The following CFAP46 variants were observed in gnomAD, a reference collection of about 807,000 sequenced individuals.
CFAP46 encodes the protein cilia and flagella associated protein 46, also known as cilia- and flagella-associated protein 46.
A neutral mutation model predicts 325.7 loss-of-function variants in CFAP46; 245 were observed. The ratio of observed to expected loss-of-function variants is 0.75; its 90% CI spans 0.68 to 0.84. The LOEUF (loss-of-function observed/expected upper bound fraction) is 0.84. CFAP46 is among the 40% of genes least tolerant of loss of function. CFAP46 has a pLI of 0.00. For synonymous variants in CFAP46, 1,523 were observed against 1,495.9 expected (o/e 1.02, Z -0.42); for missense variants, 3,346 against 3,543.0 (o/e 0.94, Z 1.41).
chr10:132,813,236 A>G (rs1847617618), intron 54 of CFAP46, among the ~76,000 whole-genome samples: 1 of 152,042 alleles, frequency 6.6e-6, no homozygotes, highest in African/African-American at 2.4e-5. Flanking sequence ...TACTCCAGGC[A>G]TGGGAGACAG....
Position 132,925,134 on chromosome 10 carries a change from G to A in CFAP46, c.1066-248C>T, listed in dbSNP as rs534931291. 1.1e-4 allele frequency among the ~76,000 whole-genome samples: 16 copies of A among 150,880 alleles called. No homozygotes were observed. In the East Asian group the frequency reaches 1.8e-3, roughly 17 times the overall value. On this transcript the variant is annotated intron_variant, in intron 10 of 57. Transcript: ENST00000368586. ...CATCGTGGCTGCGCCCGCCTCCCCCGTGTGGACTCAGCGGGCGCTGCTCCC... is the reference window on the plus strand; with the variant it reads ...CATCGTGGCTGCGCCCGCCTCCCCCATGTGGACTCAGCGGGCGCTGCTCCC...
intron 19 of CFAP46, among the ~76,000 whole-genome samples, chr10:132,912,135 C>T (rs113884851): frequency 0.32 from 36,443 of 114,466 alleles, 6,248 homozygotes; most frequent in Admixed American, 0.45. Flanking sequence ...CCCCCCCACC[C>T]CCACATCTCT....
In CFAP46 at chr10:132,817,901, C is replaced by T. The variant is rs936607591; in HGVS notation, c.7118-2987G>A. ...CGGCCGCGCTCTGCCTGGAGGCTCC[C>T]GGGGAGAATCCTCTCCTGGCTCCTG... On this transcript the variant is annotated intron_variant, in intron 50 of 57. Transcript: ENST00000368586. This position sits in a 1 kb window ranked among gnomAD's most constrained non-coding sequence, Gnocchi z 4.4. Among the ~76,000 whole-genome samples, 12 of 152,236 alleles carry T rather than the reference C, an allele frequency of 7.9e-5. No homozygotes were observed. The highest frequency in any genetic ancestry group is 1.3e-4 in the Admixed American group (2 of 15,290).
At chr10:132,897,385 G>C (rs145531676) in intron 24 of CFAP46, among the ~76,000 whole-genome samples, 2 of 152,228 alleles carry the variant, frequency 1.3e-5, no homozygotes, top group South Asian at 2.1e-4. Flanking sequence ...TGCAGGCTCT[G>C]TCCTGAGGCT....
chr10:132,812,805 A>G lies in CFAP46; in HGVS notation c.7481T>C (p.Leu2494Ser), dbSNP rs1197618723. The G allele has an allele frequency of 6.2e-7, 1 of 1,612,262 alleles. No individual in the cohort carries two copies. Among genetic ancestry groups the G allele is most frequent in the Admixed American group, 1.7e-5 (1 of 59,998 alleles). ...SFLSHILVER[L>S]VAMNLQECQV... The stretch of plus-strand genomic sequence containing the variant: ...CTCACCTTGCAAGTTCATGGCGACC[A>G]ATCTCTCCACTAATATATGGGACAG... Residue 2494 changes from leucine (L) to serine (S), a missense_variant, in exon 55 of 58, where the codon TTG becomes TCG. Transcript: ENST00000368586.
At chr10:132,831,419 G>A (rs1434816237) in intron 50 of CFAP46, among the ~76,000 whole-genome samples, 1 of 152,124 alleles carries the variant, frequency 6.6e-6, no homozygotes, top group Non-Finnish European at 1.5e-5. Context: ...GTTTTACGGG[G>A]ATGTTAATCG....
At chr10:132,814,011 G>C (rs564967186) in intron 54 of CFAP46, 141 bp downstream of exon 54, 1 of 658,632 alleles carries the variant, frequency 1.5e-6, no homozygotes, top group Non-Finnish European at 2.7e-6. Context: ...TCAAGGAGCT[G>C]GGTCTGTCTC....
chr10:132,907,640 C>G (rs1325551954), intron 22 of CFAP46, among the ~76,000 whole-genome samples: 1 of 152,252 alleles, frequency 6.6e-6, no homozygotes, highest in African/African-American at 2.4e-5. Context: ...TCCCTATCCC[C>G]TCAAAATTCC....
Position 132,919,294 on chromosome 10 carries a change from C to G in CFAP46, c.1858+21G>C. ...GCGGCCGTGGCCAGGCTGGGACACA[C>G]TCGTGAGGGCGGGTACGAACCTCGC... On this transcript the variant is annotated intron_variant, in intron 15 of 57. Coordinates refer to ENST00000368586, the MANE Select transcript of CFAP46 (RefSeq NM_001200049.3). This position sits in a 1 kb window ranked among gnomAD's most constrained non-coding sequence, Gnocchi z 9.7. 1 of 1,544,776 alleles carries G rather than the reference C, an allele frequency of 6.5e-7. No individual in the cohort carries two copies. The highest frequency in any genetic ancestry group is 8.7e-7 in the Non-Finnish European group (1 of 1,143,584).
At chr10:132,896,404 G>C (rs1849321781) in intron 24 of CFAP46, among the ~76,000 whole-genome samples, 1 of 152,270 alleles carries the variant, frequency 6.6e-6, no homozygotes, top group Non-Finnish European at 1.5e-5. Context: ...TCCAGATCCA[G>C]ACTTTGATAA....
chr10:132,879,515 T>C lies in CFAP46; in HGVS notation c.3916A>G (p.Ile1306Val). 1.3e-6 allele frequency: 2 copies of C among 1,547,332 alleles called. No individual in the cohort carries two copies. Among genetic ancestry groups the C allele is most frequent in the Non-Finnish European group, 1.7e-6 (2 of 1,145,978 alleles). ...RQLEALARVH[I>V]LLALVLSPGA... is the part of the protein sequence containing the mutation. ...GGCGACAGCACCAGGGCCAGCAGGA[T>C]GTGCACGCGGGCCAGCGCCTCCAGC... Residue 1306 changes from isoleucine to valine, a missense_variant, in exon 29 of 58, where the codon ATC (isoleucine) becomes GTC (valine). By Grantham distance (29) the Ile-to-Val change is conservative (BLOSUM62 3). Coordinates refer to ENST00000368586, the MANE Select transcript of CFAP46 (RefSeq NM_001200049.3).
chr10:132,929,239 A>G, intron 9 of CFAP46: 1 of 557,502 alleles, frequency 1.8e-6, no homozygotes, highest in Non-Finnish European at 3.2e-6. Flanking sequence ...CAATCATAAC[A>G]CTATACTGTA....
intron 50 of CFAP46, among the ~76,000 whole-genome samples, chr10:132,823,096 G>GTGTGTGCTGATGTGTGCTTTT (rs1847920340): frequency 7.1e-6 from 1 of 141,330 alleles, no homozygotes; most frequent in African/African-American, 2.7e-5. Context: ...TGTGTGCTTT[G>GTGTGTGCTGATGTGTGCTTTT]TATGTGCTGA....
At position 132,814,191 on chromosome 10, in the gene CFAP46, G is replaced by T. The variant is rs750048790; in HGVS notation, c.7349C>A (p.Ser2450Ter). The T allele has an allele frequency of 1.2e-6, 2 of 1,613,942 alleles. No individual in the cohort carries two copies. Among genetic ancestry groups the T allele is most frequent in the Admixed American group, 3.3e-5 (2 of 60,026 alleles). ...GCTTCCCAGATGTCCCGCCCATCGCGACGTGAATGTGTCTTGGAATCTTTC... is the reference window on the plus strand; with the variant it reads ...GCTTCCCAGATGTCCCGCCCATCGCTACGTGAATGTGTCTTGGAATCTTTC... The part of the protein sequence containing the change: ...ILERFQDTFT[S>*]RWAGHLGSKH... Residue 2450 changes from serine (S) to a stop codon, truncating the protein, a stop_gained, in exon 54 of 58, where the codon TCG (serine) becomes TAG (stop). Coordinates refer to ENST00000368586, the MANE Select transcript of CFAP46 (RefSeq NM_001200049.3). LOFTEE classifies it high-confidence loss of function.
rs141277209 is a variant in CFAP46 at position 132,833,460 on chromosome 10, G to A, written c.7015C>T (p.Pro2339Ser). Residue 2339 changes from proline to serine, a missense_variant, in exon 50 of 58, where the codon CCA becomes TCA. Transcript: ENST00000368586. The part of the protein sequence containing the change: ...LVADRHLLEL[P>S]LEGLSVFDEG... ...TCGAACACAGAGAGACCTTCCAGTGGCAGCTCCAGGAGATGTCTGTCTGCG... is the reference window on the plus strand; with the variant it reads ...TCGAACACAGAGAGACCTTCCAGTGACAGCTCCAGGAGATGTCTGTCTGCG... 255 of 1,614,162 alleles carry A rather than the reference G, an allele frequency of 1.6e-4. 1 individual carries two copies. The East Asian group carries it at 5.5e-3, about 35-fold the overall frequency.
intron 19 of CFAP46, 42 bp from the exon 20 acceptor site, chr10:132,910,110 A>G: frequency 1.5e-6 from 2 of 1,366,886 alleles, no homozygotes; most frequent in Non-Finnish European, 9.5e-7. Flanking sequence ...TGAATTCTAA[A>G]CAGGGGACCT....
chr10:132,895,782 C>T (rs74553710), intron 24 of CFAP46, among the ~76,000 whole-genome samples: 7,149 of 152,260 alleles, frequency 0.047, 232 homozygotes, highest in Non-Finnish European at 0.063. Context: ...TGGTATTTGG[C>T]GACAGGGCCT....
rs374276507 is a variant in CFAP46 at position 132,808,724 on chromosome 10, G to C, written c.7845C>G (p.Ala2615=). ...GGAGGTGGGGATGGGTTGGCAGAGGGGCAGAGCCAAGGGCAGAGGCAAGTG... is the reference window on the plus strand; with the variant it reads ...GGAGGTGGGGATGGGTTGGCAGAGGCGCAGAGCCAAGGGCAGAGGCAAGTG... ...APALASALGS[A]PLPTHPHLPA... Residue 2615 remains alanine (A), a synonymous_variant, in exon 58 of 58, where the codon GCC becomes GCG. Coordinates refer to ENST00000368586, the MANE Select transcript of CFAP46 (RefSeq NM_001200049.3). This position sits in a 1 kb window ranked among gnomAD's most constrained non-coding sequence, Gnocchi z 6.8. The C allele has an allele frequency of 6.4e-7, 1 of 1,570,128 alleles. No homozygotes were observed. The highest frequency in any genetic ancestry group is 1.9e-5 in the Admixed American group (1 of 52,560).
chr10:132,837,388 C>T (rs1848269994), intron 44 of CFAP46, among the ~76,000 whole-genome samples: 1 of 152,024 alleles, frequency 6.6e-6, no homozygotes, highest in Admixed American at 6.5e-5. Context: ...CACACAGATG[C>T]ACGTGTACAT....
Sources: gnomAD v4.1 joint callset for allele counts (sites outside exome capture counted in the v4.1 genomes callset) on GRCh38, gnomAD v4.1.1 for gene constraint, Gnocchi (gnomAD v3.1) non-coding constraint, MANE v1.5 for transcripts, NCBI Gene and HGNC (gene_info 2026-07-23, HGNC 2026-07-21) for gene names.